GTF3C3: variants seen among roughly 807,000 people sequenced by gnomAD.
GTF3C3 encodes general transcription factor IIIC subunit 3, also known as general transcription factor 3C polypeptide 3.
GTF3C3 carries 75 observed loss-of-function variants against 105.2 expected under a neutral mutation model. That is an observed-to-expected ratio of 0.71 (90% CI 0.59 to 0.86). The LOEUF (loss-of-function observed/expected upper bound fraction) is 0.86, where lower values mean the gene tolerates loss of function less well. GTF3C3 is among the 40% of genes least tolerant of loss of function. GTF3C3 has a pLI of 0.00. For synonymous variants in GTF3C3, 335 were observed against 370.4 expected, an observed-to-expected ratio of 0.90 and a Z score of 1.10; for missense variants, 856 against 1,076.5, an observed-to-expected ratio of 0.80 and a Z score of 2.87.
At chr2:196,783,354 C>G (rs1699400693) in intron 8 of GTF3C3, among the ~76,000 whole-genome samples, 1 of 152,124 alleles carries the variant, frequency 6.6e-6, no homozygotes, top group Non-Finnish European at 1.5e-5. Context: ...TTGAACAGAA[C>G]TTGGTATTTC....
intron 8 of GTF3C3, 73 bp downstream of exon 8, chr2:196,784,784 T>C (rs1009873646): frequency 2.0e-6 from 3 of 1,483,978 alleles, no homozygotes; most frequent in Non-Finnish European, 2.7e-6. Flanking sequence ...ATGAAATAAA[T>C]TTTCACCATA....
rs1399082172 is a variant in GTF3C3, at chr2:196,769,595, G to A, written c.2385+320C>T. 2.0e-5 allele frequency among the ~76,000 whole-genome samples: 3 copies of A among 151,942 alleles called. No homozygotes were observed. In the South Asian group the frequency reaches 6.2e-4, roughly 32 times the overall value. On this transcript the variant is annotated intron_variant, in intron 16 of 17. Transcript: ENST00000263956. ...ATTTTTTTTTTCAACTACTTTAAGTGAATCTTCAGTACCTCAGATGGTTAG... is the reference window on the plus strand; with the variant it reads ...ATTTTTTTTTTCAACTACTTTAAGTAAATCTTCAGTACCTCAGATGGTTAG...
At chr2:196,799,357 G>C in intron 1 of GTF3C3, 153 bp downstream of exon 1, 1 of 631,038 alleles carries the variant, frequency 1.6e-6, no homozygotes, top group Middle Eastern at 4.3e-4. Context: ...ACAGGGATGA[G>C]GGGTGAAAAC....
intron 1 of GTF3C3, among the ~76,000 whole-genome samples, chr2:196,798,705 TAC>T (rs1559308460): frequency 6.6e-6 from 1 of 151,264 alleles, no homozygotes; most frequent in East Asian, 2.0e-4. Flanking sequence ...CTACTAAACA[TAC>T]AAAAATTAGC....
At chr2:196,781,336 T>G (rs1699346193) in intron 8 of GTF3C3, among the ~76,000 whole-genome samples, 3 of 15,438 alleles carry the variant, frequency 1.9e-4, no homozygotes, top group Non-Finnish European at 3.4e-4. Flanking sequence ...TCAAAAATGT[T>G]AAGGGGAAAA....
chr2:196,790,499 G>A (rs993465054), intron 4 of GTF3C3, among the ~76,000 whole-genome samples: 2 of 152,038 alleles, frequency 1.3e-5, no homozygotes, highest in African/African-American at 4.8e-5. Context: ...GCAGCTAAAC[G>A]GATATCAAAG....
Position 196,799,673 on chromosome 2 carries a change from T to C in GTF3C3, c.-62A>G. On this transcript the variant is annotated 5_prime_UTR_variant, in exon 1 of 18. Coordinates refer to ENST00000263956, the MANE Select transcript of GTF3C3 (RefSeq NM_012086.5). Reference sequence around the variant, plus strand: ...GACAGAGAACCGGAAGAGCAGCGCCTTCCAGAAGCTACCTCGCCGGGGCCA... The same window carrying C: ...GACAGAGAACCGGAAGAGCAGCGCCCTCCAGAAGCTACCTCGCCGGGGCCA... 8.2e-7 allele frequency: 1 copy of C among 1,213,284 alleles called. No homozygotes were observed. Among genetic ancestry groups the C allele is most frequent in the East Asian group, 2.4e-5 (1 of 42,526 alleles). 75.2% of individuals were successfully genotyped at this position (1,213,284 alleles called of 1,614,324 possible).
chr2:196,777,715 A>T (rs1699282809), intron 10 of GTF3C3: 1 of 152,174 alleles, frequency 6.6e-6, no homozygotes, highest in African/African-American at 2.4e-5. Context: ...TATCTTTCTT[A>T]TATACTGATC....
Position 196,778,868 on chromosome 2 carries a change from ACTT to A in GTF3C3, c.1390+25_1390+27del, listed in dbSNP as rs766259482. The A allele has an allele frequency of 5.0e-6, 8 of 1,602,942 alleles. No individual in the cohort carries two copies. In the African/African-American group the frequency reaches 1.1e-4, roughly 21 times the overall value. Reference sequence around the variant, plus strand: ...GTTCTTGGCTGCTTATATGATTAAAACTTCTTCCTCCCACAAAAAAGTGTTACC... The same window carrying A: ...GTTCTTGGCTGCTTATATGATTAAAACTTCCTCCCACAAAAAAGTGTTACC... On this transcript the variant is annotated intron_variant, in intron 10 of 17. Transcript: ENST00000263956.
intron 13 of GTF3C3, chr2:196,773,575 T>C (rs1699213655): frequency 2.8e-6 from 1 of 351,388 alleles, no homozygotes. Context: ...CTAAGAAGGA[T>C]GGTTTCAGGA....
At chr2:196,789,092 G>A in intron 6 of GTF3C3, 112 bp downstream of exon 6, 1 of 900,100 alleles carries the variant, frequency 1.1e-6, no homozygotes, top group Non-Finnish European at 1.7e-6. Flanking sequence ...AAACACATAA[G>A]GCAAAACACT....
chr2:196,775,141 T>G lies in GTF3C3; in HGVS notation c.1806A>C (p.Gln602His). The G allele has an allele frequency of 6.2e-7, 1 of 1,613,126 alleles. No individual in the cohort carries two copies. Among genetic ancestry groups the G allele is most frequent in the South Asian group, 1.1e-5 (1 of 90,996 alleles). Residue 602 changes from glutamine (Q) to histidine (H), a missense_variant, in exon 13 of 18, where the codon CAA (glutamine) becomes CAC (histidine). By Grantham distance (24) the Gln-to-His change is conservative (BLOSUM62 0). Transcript: ENST00000263956. ...SRDKISDSND[Q>H]ESANCDAKAI... is the part of the protein sequence containing the mutation. ...CTTTTGCATCACAATTTGCTGACTC[T>G]TGGTCATTGCTGTCTGATATTTTGT...
intron 9 of GTF3C3, chr2:196,780,213 T>A (rs1408159414): frequency 1.1e-6 from 1 of 879,698 alleles, no homozygotes; most frequent in East Asian, 8.9e-5. Context: ...AGATGCTAAG[T>A]ACTTTTTTTT....
rs1437398753 is a variant in GTF3C3, at chr2:196,789,867, A to T, written c.727+12T>A. The T allele has an allele frequency of 2.0e-6, 3 of 1,528,964 alleles. No individual in the cohort carries two copies. The highest frequency in any genetic ancestry group is 1.4e-5 in the African/African-American group (1 of 70,956). 94.7% of individuals were successfully genotyped at this position (1,528,964 alleles called of 1,614,324 possible). A position where few individuals can be genotyped will look rare whatever the true frequency, so the allele number is the denominator to read the frequency against. ...GCTTGTAAAAGTGAAAAAAAAAAAAAATTTTAATTACCTTTTGTATAGCAA... is the reference window on the plus strand; with the variant it reads ...GCTTGTAAAAGTGAAAAAAAAAAAATATTTTAATTACCTTTTGTATAGCAA... On this transcript the variant is annotated intron_variant, in intron 5 of 17. Transcript: ENST00000263956.
rs2125736126 is a variant in GTF3C3 at position 196,764,629 on chromosome 2, G to A, written c.2595C>T (p.Leu865=). 6.2e-7 allele frequency: 1 copy of A among 1,612,124 alleles called. No individual in the cohort carries two copies. Among genetic ancestry groups the A allele is most frequent in the Non-Finnish European group, 8.5e-7 (1 of 1,178,214 alleles). The change falls in exon 18 of 18, where the codon CTC becomes CTT. Residue 865 remains leucine (L), a synonymous_variant. Transcript: ENST00000263956. ...LRRDIAYNLS[L]IYQSSGNTGM... is the part of the protein sequence containing the mutation. ...CGGTATTCCCACTGCTCTGATAGAT[G>A]AGAGACAAGTTGTAGGCAATATCTC...
At chr2:196,772,167 C>CA (rs1239456488) in intron 14 of GTF3C3, among the ~76,000 whole-genome samples, 1 of 152,198 alleles carries the variant, frequency 6.6e-6, no homozygotes, top group African/African-American at 2.4e-5. Context: ...CTACTTTCAA[C>CA]AAAACTTTTA....
chr2:196,798,646 G>C (rs1170549629), intron 1 of GTF3C3, among the ~76,000 whole-genome samples: 1 of 152,046 alleles, frequency 6.6e-6, no homozygotes, highest in Non-Finnish European at 1.5e-5. Flanking sequence ...GGCGGATCAC[G>C]AGGTCAGGAG....
Position 196,766,432 on chromosome 2 carries a change from A to C in GTF3C3, c.2538+133T>G, listed in dbSNP as rs1385790283. 1.4e-5 allele frequency: 9 copies of C among 652,094 alleles called. No individual in the cohort carries two copies. In the East Asian group the frequency reaches 2.5e-4, roughly 18 times the overall value. The allele number at this position is 652,094 out of a possible 1,614,324, so 40.4% of individuals were successfully genotyped here. A position where few individuals can be genotyped will look rare whatever the true frequency, so the allele number is the denominator to read the frequency against. On this transcript the variant is annotated intron_variant, in intron 17 of 17. Coordinates refer to ENST00000263956, the MANE Select transcript of GTF3C3 (RefSeq NM_012086.5). Reference sequence around the variant, plus strand: ...GAAGTGGTACCTGTTCCTGAACATAATTACGTAAACATACTGAATAAGAGA... The same window carrying C: ...GAAGTGGTACCTGTTCCTGAACATACTTACGTAAACATACTGAATAAGAGA...
At chr2:196,782,171 G>A (rs1036435219) in intron 8 of GTF3C3, among the ~76,000 whole-genome samples, 9 of 152,174 alleles carry the variant, frequency 5.9e-5, no homozygotes, top group African/African-American at 1.9e-4. Flanking sequence ...CCTTGTAAAA[G>A]AGGTCTGAAG....
Sources: gnomAD v4.1 joint callset for allele counts (sites outside exome capture counted in the v4.1 genomes callset) on GRCh38, gnomAD v4.1.1 for gene constraint, MANE v1.5 for transcripts, NCBI Gene and HGNC (gene_info 2026-07-23, HGNC 2026-07-21) for gene names.